Variants in DSCAM observed in about 807,000 individuals in gnomAD.
DSCAM encodes DS cell adhesion molecule, also known as cell adhesion molecule DSCAM.
In DSCAM, 47 loss-of-function variants were observed where a neutral mutation model predicts 217.7. The ratio of observed to expected loss-of-function variants is 0.22; its 90% confidence interval spans 0.17 to 0.28. The LOEUF is 0.28. DSCAM is among the 10% of genes least tolerant of loss of function. The pLI is 1.00. For synonymous variants in DSCAM, 1,056 were observed against 1,015.3 expected (o/e 1.04, Z -0.76); for missense variants, 2,080 against 2,618.3 (o/e 0.79, Z 4.49).
chr21:40,312,214 C>A lies in DSCAM; in HGVS notation c.1929G>T (p.Val643=). Residue 643 remains valine (V), a synonymous_variant, in exon 9 of 33, where the codon GTG becomes GTT. Coordinates refer to ENST00000400454, the MANE Select transcript of DSCAM (RefSeq NM_001389.5). ...TCGTGAAGTCAATATTGTCAATGGT[C>A]ACCCCAAGGCTCCCAGGGATTGGCC... The part of the protein sequence containing the change: ...DGRPIPGSLG[V]TIDNIDFTSS... 1 of 1,614,084 alleles carries A rather than the reference C, an allele frequency of 6.2e-7. No individual in the cohort carries two copies.
At chr21:40,570,057 G>A (rs990106042) in intron 3 of DSCAM, among the ~76,000 whole-genome samples, 1 of 152,060 alleles carries the variant, frequency 6.6e-6, no homozygotes, top group Non-Finnish European at 1.5e-5. Flanking sequence ...AAGGCTGAGG[G>A]CAGTCCATTG....
At chr21:40,318,641 T>C (rs948840623) in intron 8 of DSCAM, among the ~76,000 whole-genome samples, 1 of 152,200 alleles carries the variant, frequency 6.6e-6, no homozygotes, top group Non-Finnish European at 1.5e-5. Context: ...GCACCTAGCT[T>C]ACCGTGACTT....
chr21:40,679,391 A>C (rs955782289), intron 3 of DSCAM, among the ~76,000 whole-genome samples: 11 of 152,216 alleles, frequency 7.2e-5, no homozygotes, highest in Non-Finnish European at 1.0e-4. Flanking sequence ...AGAAAAGGCA[A>C]AATCTCTATC....
At chr21:40,232,588 A>G (rs902952973) in intron 11 of DSCAM, among the ~76,000 whole-genome samples, 10 of 152,308 alleles carry the variant, frequency 6.6e-5, no homozygotes, top group African/African-American at 1.7e-4. Flanking sequence ...TTCTCAGTAG[A>G]TAAGTGTCTT....
chr21:40,537,290 G>T (rs147376140), intron 3 of DSCAM, among the ~76,000 whole-genome samples: 1 of 152,140 alleles, frequency 6.6e-6, no homozygotes, highest in African/African-American at 2.4e-5. Flanking sequence ...GAGGTAGGTC[G>T]AGAGAGAGAC....
intron 11 of DSCAM, among the ~76,000 whole-genome samples, chr21:40,198,793 C>A (rs2091041583): frequency 1.3e-5 from 2 of 152,182 alleles, no homozygotes; most frequent in African/African-American, 4.8e-5. Flanking sequence ...CTCCACATAC[C>A]CTGTTCATGC....
At chr21:40,373,361 T>C (rs767808591) in intron 3 of DSCAM, among the ~76,000 whole-genome samples, 2 of 151,724 alleles carry the variant, frequency 1.3e-5, no homozygotes, top group Non-Finnish European at 2.9e-5. Context: ...AGCACTGTCC[T>C]AGGCTCCAGA....
intron 3 of DSCAM, among the ~76,000 whole-genome samples, chr21:40,398,577 T>C (rs2123769538): frequency 6.6e-6 from 1 of 152,200 alleles, no homozygotes; most frequent in Admixed American, 6.5e-5. Context: ...TTTGGAATTA[T>C]GCATACACAC....
rs1218103590 is a variant in DSCAM, at chr21:40,637,175, A to C, written c.508+55635T>G. Among the ~76,000 whole-genome samples, 2 of 32,288 alleles carry C rather than the reference A, an allele frequency of 6.2e-5. 1 individual carries two copies. Among genetic ancestry groups the C allele is most frequent in the East Asian group, 1.8e-3 (2 of 1,124 alleles). The allele number at this position is 32,288 out of a possible 152,430, so 21.2% of individuals were successfully genotyped here. A position where few individuals can be genotyped will look rare whatever the true frequency, so the allele number is the denominator to read the frequency against. On this transcript the variant is annotated intron_variant, in intron 3 of 32. Coordinates refer to ENST00000400454, the MANE Select transcript of DSCAM (RefSeq NM_001389.5). ...AATATATATAAATATAAATATATAT[A>C]TAAATATATATAAATATAAATATAT...
At chr21:40,731,733 C>T (rs867162805) in intron 1 of DSCAM, among the ~76,000 whole-genome samples, 3 of 122,350 alleles carry the variant, frequency 2.5e-5, no homozygotes, top group Non-Finnish European at 5.3e-5. Flanking sequence ...ACTGCACCCC[C>T]CCCCCCGCCC....
intron 3 of DSCAM, among the ~76,000 whole-genome samples, chr21:40,574,706 A>ATTTTT (rs35778831): frequency 7.8e-6 from 1 of 127,648 alleles, no homozygotes; most frequent in African/African-American, 2.9e-5. Flanking sequence ...AAGGTGCCTG[A>ATTTTT]TTTTTTTTTT....
chr21:40,517,468 C>G (rs2076312144), intron 3 of DSCAM, among the ~76,000 whole-genome samples: 1 of 150,854 alleles, frequency 6.6e-6, no homozygotes, highest in Admixed American at 6.6e-5. Flanking sequence ...GGACCCAAAG[C>G]CAGCCTTTGC....
At chr21:40,536,707 C>T (rs551174499) in intron 3 of DSCAM, among the ~76,000 whole-genome samples, 34 of 152,240 alleles carry the variant, frequency 2.2e-4, no homozygotes, top group Non-Finnish European at 4.1e-4. Context: ...CACCCGGTCC[C>T]GGTAGATTCT....
chr21:40,760,769 T>A (rs2091324789), intron 1 of DSCAM, among the ~76,000 whole-genome samples: 1 of 152,222 alleles, frequency 6.6e-6, no homozygotes, highest in South Asian at 2.1e-4. Context: ...ATGCCATATC[T>A]CTGGCTACAG....
At chr21:40,728,524 A>G (rs1016206106) in intron 1 of DSCAM, among the ~76,000 whole-genome samples, 7 of 151,878 alleles carry the variant, frequency 4.6e-5, no homozygotes, top group African/African-American at 1.7e-4. Flanking sequence ...GTTCAAGCAA[A>G]TCTCCTGCCT....
In DSCAM at chr21:40,708,555, G is replaced by A. The variant is rs1343788876; in HGVS notation, c.260C>T (p.Pro87Leu). ...GATTAAGGTACTGAAGCTTGAAGGA[G>A]GGAAGGGGAAAATTTGGAGAGTGCC... The part of the protein sequence containing the change: ...PNGTLQIFPF[P>L]PSSFSTLIHD... Residue 87 changes from proline to leucine, a missense_variant, in exon 2 of 33, where the codon CCT (proline) becomes CTT (leucine). Transcript: ENST00000400454. 1 of 1,599,990 alleles carries A rather than the reference G, an allele frequency of 6.3e-7. No homozygotes were observed. Among genetic ancestry groups the A allele is most frequent in the Non-Finnish European group, 8.5e-7 (1 of 1,171,398 alleles).
rs550418921 is a variant in DSCAM at position 40,774,442 on chromosome 21, G to A, written c.44-65671C>T. ...AAACAGCCTTCCAGGCTCCACTTTC[G>A]GAAAGGTACACATGAGTGACAGTTC... On this transcript the variant is annotated intron_variant, in intron 1 of 32. Transcript: ENST00000400454. 3.2e-4 allele frequency among the ~76,000 whole-genome samples: 49 copies of A among 152,302 alleles called. No individual in the cohort carries two copies. The South Asian group carries it at 7.1e-3, about 22-fold the overall frequency.
At chr21:40,772,206 T>A (rs1477362795) in intron 1 of DSCAM, among the ~76,000 whole-genome samples, 1 of 152,180 alleles carries the variant, frequency 6.6e-6, no homozygotes, top group African/African-American at 2.4e-5. Flanking sequence ...TTTGCTCTTT[T>A]CCCCCAGGCT....
chr21:40,480,936 T>C (rs1399941982), intron 3 of DSCAM, among the ~76,000 whole-genome samples: 1 of 152,160 alleles, frequency 6.6e-6, no homozygotes, highest in Non-Finnish European at 1.5e-5. Context: ...GAATTAACAA[T>C]TTATTCTCAT....
Sources: allele counts gnomAD v4.1 joint callset (sites outside exome capture counted in the v4.1 genomes callset), GRCh38; gene constraint gnomAD v4.1.1; transcripts MANE v1.5; gene names NCBI Gene and HGNC (gene_info 2026-07-23, HGNC 2026-07-21).